RBM27: variants seen among roughly 807,000 people sequenced by gnomAD.
RBM27 encodes RNA-binding protein 27.
In RBM27, 22 loss-of-function variants were observed where a neutral mutation model predicts 135.3. That is an observed-to-expected ratio of 0.16 (90% CI 0.12 to 0.23). The LOEUF is 0.23. Ranked by LOEUF, RBM27 falls within the 10% of genes least tolerant of loss-of-function variation. The pLI is 1.00. For missense variants in RBM27, 1,009 were observed against 1,281.0 expected (o/e 0.79, Z 3.24); for synonymous variants, 481 against 442.4 (o/e 1.09, Z -1.10).
chr5:146,270,108 C>G (rs11959720), intron 17 of RBM27, among the ~76,000 whole-genome samples: 24,816 of 152,000 alleles, frequency 0.16, 3,887 homozygotes, highest in African/African-American at 0.41. Flanking sequence ...GAAGCCTGGC[C>G]TATTCATATG....
At chr5:146,207,186 T>C (rs1422186343) in intron 1 of RBM27, among the ~76,000 whole-genome samples, 1 of 152,158 alleles carries the variant, frequency 6.6e-6, no homozygotes, top group Non-Finnish European at 1.5e-5. Flanking sequence ...ACCGGCTAGG[T>C]TGGAATCAAA....
chr5:146,260,941 G>T (rs1377458255), intron 12 of RBM27, 43 bp downstream of exon 12: 2 of 1,550,152 alleles, frequency 1.3e-6, no homozygotes, highest in Non-Finnish European at 1.8e-6. Flanking sequence ...GCATTTTATG[G>T]GTCTTGGGAA....
chr5:146,207,623 C>T (rs1339652195), intron 1 of RBM27, among the ~76,000 whole-genome samples: 7 of 151,588 alleles, frequency 4.6e-5, no homozygotes, highest in Non-Finnish European at 1.0e-4. Flanking sequence ...ACATCTTGTC[C>T]CTAGTGAAAC....
chr5:146,233,567 T>C lies in RBM27; in HGVS notation c.968T>C (p.Leu323Pro). ...MIPFPPPPPG[L>P]PPPPPPGMLM... The stretch of plus-strand genomic sequence containing the variant: ...CCTTTCCCACCCCCTCCTCCTGGGC[T>C]TCCTCCTCCACCACCTCCTGGAATG... The change falls in exon 7 of 21, where the codon CTT (leucine) becomes CCT (proline). Residue 323 changes from leucine (L) to proline (P), a missense_variant. Coordinates refer to ENST00000265271, the MANE Select transcript of RBM27 (RefSeq NM_018989.2). 1 of 1,612,792 alleles carries C rather than the reference T, an allele frequency of 6.2e-7. No individual in the cohort carries two copies. Among genetic ancestry groups the C allele is most frequent in the African/African-American group, 1.3e-5 (1 of 74,872 alleles).
intron 7 of RBM27, 137 bp from the exon 8 acceptor site, chr5:146,237,161 A>T (rs1382677677): frequency 1.1e-6 from 1 of 937,332 alleles, no homozygotes; most frequent in Non-Finnish European, 1.6e-6. Flanking sequence ...CTGGTCTCGA[A>T]CTCCTGACCT....
chr5:146,228,482 A>G (rs1453131084), intron 3 of RBM27, among the ~76,000 whole-genome samples: 1 of 151,562 alleles, frequency 6.6e-6, no homozygotes, highest in East Asian at 1.9e-4. Context: ...GGGTTTCACC[A>G]TGTTGGCCAT....
chr5:146,209,015 G>A (rs1041790947), intron 1 of RBM27, among the ~76,000 whole-genome samples: 4 of 152,026 alleles, frequency 2.6e-5, no homozygotes, highest in African/African-American at 9.7e-5. Flanking sequence ...TTAATTTCTA[G>A]TTCCGTATCT....
Position 146,230,639 on chromosome 5 carries a change from A to G in RBM27, c.590-18A>G. ...TCTGATCTCTTTGTTTTCTGTTTTT[A>G]ATTTTGTCTCCAAGTAGAGCACAGG... On this transcript the variant is annotated intron_variant, in intron 5 of 20. Coordinates refer to ENST00000265271, the MANE Select transcript of RBM27 (RefSeq NM_018989.2). 1 of 1,605,114 alleles carries G rather than the reference A, an allele frequency of 6.2e-7. No individual in the cohort carries two copies. Among genetic ancestry groups the G allele is most frequent in the Non-Finnish European group, 8.5e-7 (1 of 1,174,854 alleles).
chr5:146,219,127 G>A (rs376195920), intron 2 of RBM27, 24 bp downstream of exon 2: 11 of 1,446,778 alleles, frequency 7.6e-6, no homozygotes, highest in African/African-American at 2.8e-5. Flanking sequence ...GCCTTCAATC[G>A]AGTATTGAAG....
At chr5:146,248,268 GT>G (rs1215197882) in intron 8 of RBM27, among the ~76,000 whole-genome samples, 3 of 144,628 alleles carry the variant, frequency 2.1e-5, no homozygotes, top group African/African-American at 7.7e-5. Context: ...TGACATGCCA[GT>G]TTTTGATAAC....
rs982356863 is a variant in RBM27, at chr5:146,287,340, A to G, written c.*1310A>G. 1.3e-5 allele frequency: 2 copies of G among 152,142 alleles called. No individual in the cohort carries two copies. The highest frequency in any genetic ancestry group is 4.8e-5 in the African/African-American group (2 of 41,412). The allele number at this position is 152,142 out of a possible 1,614,324, so 9.4% of individuals were successfully genotyped here. Reference sequence around the variant, plus strand: ...AGAGTATCTGTTAAGTAAAATATATATGTAAATTTATGTCTTCGTGTTCTG... The same window carrying G: ...AGAGTATCTGTTAAGTAAAATATATGTGTAAATTTATGTCTTCGTGTTCTG... On this transcript the variant is annotated 3_prime_UTR_variant, in exon 21 of 21. Coordinates refer to ENST00000265271, the MANE Select transcript of RBM27 (RefSeq NM_018989.2).
rs1025017362 is a variant in RBM27, at chr5:146,286,124, T to G, written c.*94T>G. ...AGAAGTCAATGAGCCAAAAAAAATT[T>G]TTTTATTTTTCTTTTCAACACAGTA... On this transcript the variant is annotated 3_prime_UTR_variant, in exon 21 of 21. Transcript: ENST00000265271. The G allele has an allele frequency of 4.6e-5, 53 of 1,153,348 alleles. No individual in the cohort carries two copies. Among genetic ancestry groups the G allele is most frequent in the Admixed American group, 1.6e-4 (6 of 38,646 alleles). 71.4% of individuals were successfully genotyped at this position (1,153,348 alleles called of 1,614,324 possible). A position where few individuals can be genotyped will look rare whatever the true frequency, so the allele number is the denominator to read the frequency against.
chr5:146,203,888 G>T, intron 1 of RBM27, 64 bp downstream of exon 1: 1 of 1,421,684 alleles, frequency 7.0e-7, no homozygotes, highest in Non-Finnish European at 9.6e-7. Flanking sequence ...GGGGGCGTGG[G>T]GGAGGGGAGG....
chr5:146,229,597 A>T lies in RBM27; in HGVS notation c.396-120A>T, dbSNP rs528028716. 23 of 831,004 alleles carry T rather than the reference A, an allele frequency of 2.8e-5. No individual in the cohort carries two copies. The South Asian group carries it at 3.7e-4, about 13-fold the overall frequency. The allele number at this position is 831,004 out of a possible 1,614,324, so 51.5% of individuals were successfully genotyped here. A position where few individuals can be genotyped will look rare whatever the true frequency, so the allele number is the denominator to read the frequency against. On this transcript the variant is annotated intron_variant, in intron 4 of 20. Coordinates refer to ENST00000265271, the MANE Select transcript of RBM27 (RefSeq NM_018989.2). ...AGAGGAATTATGTGGTAGATTTGCA[A>T]CTTTCTAAAAAAGCATAGATATGCA...
intron 8 of RBM27, among the ~76,000 whole-genome samples, chr5:146,249,574 C>G (rs1757788968): frequency 6.6e-6 from 1 of 150,772 alleles, no homozygotes; most frequent in African/African-American, 2.4e-5. Flanking sequence ...GAAATCCCAG[C>G]TACTAGGGAG....
intron 1 of RBM27, among the ~76,000 whole-genome samples, chr5:146,209,329 C>G (rs1755838837): frequency 6.6e-6 from 1 of 152,094 alleles, no homozygotes; most frequent in African/African-American, 2.4e-5. Context: ...CATTGCAGGT[C>G]CTATAGGTAG....
At chr5:146,279,829 A>G (rs574273904) in intron 19 of RBM27, among the ~76,000 whole-genome samples, 1 of 151,274 alleles carries the variant, frequency 6.6e-6, no homozygotes, top group Non-Finnish European at 1.5e-5. Flanking sequence ...AAAAAAAAGT[A>G]TGACTAATAA....
Position 146,263,512 on chromosome 5 carries a change from T to C in RBM27, c.2212T>C (p.Ser738Pro). 11 of 1,613,936 alleles carry C rather than the reference T, an allele frequency of 6.8e-6. No homozygotes were observed. The highest frequency in any genetic ancestry group is 9.3e-6 in the Non-Finnish European group (11 of 1,179,936). ...IQKMMSKPQT[S>P]GAYVLNKVPV... ...GCAGATGATGAGCAAACCACAGACA[T>C]CAGGTGCATATGTTCTTAACAAAGT... The change falls in exon 14 of 21, where the codon TCA becomes CCA. Residue 738 changes from serine to proline, a missense_variant. By Grantham distance (74) the Ser-to-Pro change is moderately conservative. Transcript: ENST00000265271.
intron 1 of RBM27, among the ~76,000 whole-genome samples, chr5:146,213,494 T>A (rs1243561789): frequency 1.3e-5 from 2 of 152,182 alleles, no homozygotes; most frequent in Non-Finnish European, 2.9e-5. Context: ...ATTAGTTGTT[T>A]CACCTCTGAA....
Sources: gnomAD v4.1 joint callset for allele counts (sites outside exome capture counted in the v4.1 genomes callset) on GRCh38, gnomAD v4.1.1 for gene constraint, MANE v1.5 for transcripts, NCBI Gene and HGNC (gene_info 2026-07-23, HGNC 2026-07-21) for gene names.